OPRM1: variants seen among roughly 807,000 people sequenced by gnomAD.
OPRM1 encodes the protein opioid receptor mu 1.
OPRM1 carries 27 observed loss-of-function variants against 31.8 expected under a neutral mutation model. The ratio of observed to expected loss-of-function variants is 0.85; its 90% CI spans 0.63 to 1.17. The LOEUF (loss-of-function observed/expected upper bound fraction) is 1.17, where lower values mean the gene tolerates loss of function less well. Among genes scored for constraint, OPRM1 ranks in the 50% most tolerant of loss-of-function variants. The pLI is 0.00. For synonymous variants in OPRM1, 196 were observed against 189.9 expected (o/e 1.03, Z -0.26); for missense variants, 536 against 511.1 (o/e 1.05, Z -0.47).
intron 1 of OPRM1, among the ~76,000 whole-genome samples, chr6:154,052,396 T>C (rs1257229959): frequency 1.3e-5 from 2 of 152,216 alleles, no homozygotes; most frequent in African/African-American, 4.8e-5. Flanking sequence ...TCAGATAATC[T>C]CTGTCATAAC....
At chr6:154,241,261 G>C (rs1418667029) in intron 3 of OPRM1, among the ~76,000 whole-genome samples, 1 of 149,246 alleles carries the variant, frequency 6.7e-6, no homozygotes, top group African/African-American at 2.5e-5. Flanking sequence ...AAAAGAGAGA[G>C]AGAGAAACAG....
intron 3 of OPRM1, among the ~76,000 whole-genome samples, chr6:154,145,201 C>T (rs923137639): frequency 8.5e-5 from 13 of 152,162 alleles, no homozygotes; most frequent in Non-Finnish European, 1.6e-4. Flanking sequence ...AACCAACAAA[C>T]TTCTGTTGGC....
At chr6:154,084,595 A>T (rs3778158) in intron 1 of OPRM1, among the ~76,000 whole-genome samples, 24,657 of 152,232 alleles carry the variant, frequency 0.16, 2,121 homozygotes, top group African/African-American at 0.19. Context: ...ATCCAATTAA[A>T]TATGAGTATT....
intron 3 of OPRM1, among the ~76,000 whole-genome samples, chr6:154,215,346 T>C (rs1411731123): frequency 6.6e-6 from 1 of 152,170 alleles, no homozygotes; most frequent in Non-Finnish European, 1.5e-5. Context: ...CGGTGGTTCA[T>C]GCCTCCCAGC....
chr6:154,109,792 C>CTGTGTGTGTGTGTGTGTG (rs377400514), intron 3 of OPRM1, among the ~76,000 whole-genome samples: 1 of 101,200 alleles, frequency 9.9e-6, no homozygotes, highest in African/African-American at 3.8e-5. Context: ...CTCTCTCTCT[C>CTGTGTGTGTGTGTGTGTG]TGTGTGTGTG....
At chr6:154,114,109 T>C (rs957758054) in intron 3 of OPRM1, among the ~76,000 whole-genome samples, 1 of 152,180 alleles carries the variant, frequency 6.6e-6, no homozygotes, top group Admixed American at 6.5e-5. Flanking sequence ...TATGGCAGAC[T>C]TTCTAATCAA....
At chr6:154,059,391 C>T (rs1583287255) in intron 1 of OPRM1, among the ~76,000 whole-genome samples, 1 of 151,906 alleles carries the variant, frequency 6.6e-6, no homozygotes, top group African/African-American at 2.4e-5. Context: ...AATCTGTCCT[C>T]GACAGCATCA....
At chr6:154,152,347 GGAAAGAAAGAAAGAAAGAAAGAA>G (rs1798547307) in intron 3 of OPRM1, among the ~76,000 whole-genome samples, 1 of 65,132 alleles carries the variant, frequency 1.5e-5, no homozygotes, top group African/African-American at 5.6e-5. Flanking sequence ...AAGAAAGAAA[GGAAAGAAAGAAAGAAAGAAAGAA>G]AGAAAGAAAG....
intron 3 of OPRM1, among the ~76,000 whole-genome samples, chr6:154,241,370 T>TA (rs1417743502): frequency 6.6e-6 from 1 of 150,616 alleles, no homozygotes; most frequent in Admixed American, 6.6e-5. Flanking sequence ...AAATGAAAAC[T>TA]AAAAAACACA....
intron 3 of OPRM1, among the ~76,000 whole-genome samples, chr6:154,213,518 C>G (rs1481182178): frequency 1.3e-5 from 2 of 152,182 alleles, no homozygotes; most frequent in Non-Finnish European, 2.9e-5. Flanking sequence ...TGTTTCAAAT[C>G]AAGTTGCCAC....
chr6:154,036,042 C>G (rs1779281399), upstream of OPRM1, among the ~76,000 whole-genome samples: 1 of 151,960 alleles, frequency 6.6e-6, no homozygotes, highest in African/African-American at 2.4e-5. Context: ...TTATGAGAGA[C>G]TTGAACTTTC....
chr6:154,063,526 G>T lies in OPRM1; in HGVS notation c.290+23692G>T, dbSNP rs1005996132. 2.0e-5 allele frequency among the ~76,000 whole-genome samples: 3 copies of T among 151,836 alleles called. No homozygotes were observed. In the South Asian group the frequency reaches 6.2e-4, roughly 31 times the overall value. On this transcript the variant is annotated intron_variant, in intron 1 of 3. Transcript: ENST00000330432. ...CATAAAGTTTCCATTTTAACCGCTT[G>T]TAAGTATACAATTCAGTGGTCTGAA...
At chr6:154,021,183 ATCCCATTGT>A (rs1366756724) in intron 1 of OPRM1, among the ~76,000 whole-genome samples, 1 of 152,216 alleles carries the variant, frequency 6.6e-6, no homozygotes, top group Non-Finnish European at 1.5e-5. Flanking sequence ...GCGTGTGAAC[ATCCCATTGT>A]TCAGCACCAT....
At chr6:154,043,082 G>T (rs916890867) in intron 1 of OPRM1, among the ~76,000 whole-genome samples, 1 of 152,054 alleles carries the variant, frequency 6.6e-6, no homozygotes, top group Non-Finnish European at 1.5e-5. Flanking sequence ...TTTTTCCAAG[G>T]TTTGTTCATG....
At chr6:154,215,499 G>A (rs919941326) in intron 3 of OPRM1, among the ~76,000 whole-genome samples, 4 of 152,124 alleles carry the variant, frequency 2.6e-5, no homozygotes, top group African/African-American at 4.8e-5. Context: ...CCAGCTACTC[G>A]GGAGTCTGAG....
chr6:154,217,854 T>C (rs1778538687), intron 3 of OPRM1, among the ~76,000 whole-genome samples: 1 of 152,202 alleles, frequency 6.6e-6, no homozygotes, highest in Non-Finnish European at 1.5e-5. Context: ...TTCACTTGAG[T>C]GTCTGAAACA....
At chr6:154,185,754 C>T (rs756535072) in intron 3 of OPRM1, among the ~76,000 whole-genome samples, 7 of 152,226 alleles carry the variant, frequency 4.6e-5, no homozygotes, top group Non-Finnish European at 7.4e-5. Context: ...AATACACTAA[C>T]AATAGCTGAA....
At chr6:154,154,268 CAT>C (rs1401952875) in intron 3 of OPRM1, among the ~76,000 whole-genome samples, 1 of 152,196 alleles carries the variant, frequency 6.6e-6, no homozygotes, top group African/African-American at 2.4e-5. Flanking sequence ...ATAAATATCT[CAT>C]ATGTTTTAAG....
At chr6:154,089,461 A>C (rs1365914188) in intron 1 of OPRM1, among the ~76,000 whole-genome samples, 1 of 151,706 alleles carries the variant, frequency 6.6e-6, no homozygotes, top group Non-Finnish European at 1.5e-5. Flanking sequence ...GGTGGCATGC[A>C]CCTGGGATCC....
Sources: gnomAD v4.1 joint callset for allele counts (sites outside exome capture counted in the v4.1 genomes callset) on GRCh38, gnomAD v4.1.1 for gene constraint, MANE v1.5 for transcripts, NCBI Gene and HGNC (gene_info 2026-07-23, HGNC 2026-07-21) for gene names.